CPA3: variants seen among roughly 807,000 people sequenced by gnomAD.
CPA3 encodes mast cell carboxypeptidase A.
In CPA3, 52 loss-of-function variants were observed where a neutral mutation model predicts 55.8. The ratio of observed to expected loss-of-function variants is 0.93; its 90% CI spans 0.75 to 1.17. CPA3 has a LOEUF of 1.17. Among genes scored for constraint, CPA3 ranks in the 50% most tolerant of loss-of-function variants. The pLI, the probability that CPA3 is intolerant of heterozygous loss-of-function variation, is 0.00. For synonymous variants in CPA3, 179 were observed against 171.2 expected (o/e 1.05, Z -0.36); for missense variants, 547 against 509.1 (o/e 1.07, Z -0.72).
chr3:148,886,090 C>T lies in CPA3; in HGVS notation c.982-3C>T. The T allele has an allele frequency of 6.2e-7, 1 of 1,609,916 alleles. No homozygotes were observed. The highest frequency in any genetic ancestry group is 8.5e-7 in the Non-Finnish European group (1 of 1,176,600). ...TTTCACTCTAACTTTCCTTTCTCTC[C>T]AGGCCAAAGTTGCAAAGATTGGCAC... On this transcript the variant is annotated splice_region_variant and splice_polypyrimidine_tract_variant and intron_variant, in intron 9 of 10. Transcript: ENST00000296046.
chr3:148,882,860 TA>T (rs1187754269), intron 8 of CPA3, among the ~76,000 whole-genome samples: 1 of 152,110 alleles, frequency 6.6e-6, no homozygotes, highest in East Asian at 1.9e-4. Context: ...TCCAAATGTA[TA>T]AAAATTCAGA....
chr3:148,869,130 A>C (rs1022894377), intron 3 of CPA3, 91 bp downstream of exon 3: 12 of 1,432,016 alleles, frequency 8.4e-6, no homozygotes, highest in Middle Eastern at 2.1e-4. Flanking sequence ...ACCTATTTTT[A>C]ATTGGGCCCC....
chr3:148,869,445 T>A (rs6804659), intron 3 of CPA3, among the ~76,000 whole-genome samples: 87,209 of 151,274 alleles, frequency 0.58, 26,001 homozygotes, highest in Middle Eastern at 0.69. Flanking sequence ...ATTTTCCTGA[T>A]ACATAAAAGG....
intron 8 of CPA3, among the ~76,000 whole-genome samples, chr3:148,882,958 T>G (rs1714409884): frequency 6.6e-6 from 1 of 152,180 alleles, no homozygotes; most frequent in Admixed American, 6.5e-5. Context: ...GTTTTTCAGA[T>G]ATTTAGTGAA....
intron 3 of CPA3, among the ~76,000 whole-genome samples, chr3:148,877,367 G>A (rs1304673759): frequency 6.6e-6 from 1 of 152,138 alleles, no homozygotes. Context: ...AGTGGCACAT[G>A]CCTGTAATTC....
At chr3:148,868,002 T>C (rs1713953354) in intron 2 of CPA3, among the ~76,000 whole-genome samples, 1 of 152,140 alleles carries the variant, frequency 6.6e-6, no homozygotes, top group Non-Finnish European at 1.5e-5. Context: ...TTCAAGCAAT[T>C]CTCCTGCATC....
chr3:148,872,089 T>A (rs996434388), intron 3 of CPA3, among the ~76,000 whole-genome samples: 1 of 152,224 alleles, frequency 6.6e-6, no homozygotes, highest in Non-Finnish European at 1.5e-5. Context: ...GTGTGGTTTT[T>A]CTTTAATTTT....
At chr3:148,880,008 G>A (rs1714319635) in intron 6 of CPA3, 119 bp downstream of exon 6, 2 of 643,050 alleles carry the variant, frequency 3.1e-6, no homozygotes, top group African/African-American at 3.7e-5. Context: ...CATACTTGGT[G>A]CTGTCAGGGA....
chr3:148,870,321 G>T (rs915415208), intron 3 of CPA3, among the ~76,000 whole-genome samples: 1 of 151,674 alleles, frequency 6.6e-6, no homozygotes, highest in Admixed American at 6.6e-5. Flanking sequence ...AACTCAAAAG[G>T]TCTGCTTCTG....
chr3:148,882,818 A>C (rs1714406973), intron 8 of CPA3, among the ~76,000 whole-genome samples: 1 of 152,164 alleles, frequency 6.6e-6, no homozygotes, highest in Non-Finnish European at 1.5e-5. Context: ...TCTCTTACTT[A>C]CTATATCTAG....
chr3:148,891,570 G>C (rs772892981), intron 10 of CPA3, among the ~76,000 whole-genome samples: 4 of 151,614 alleles, frequency 2.6e-5, no homozygotes, highest in Non-Finnish European at 4.4e-5. Context: ...AACTTGCAAT[G>C]TTGTATTTAC....
intron 9 of CPA3, among the ~76,000 whole-genome samples, chr3:148,885,719 T>C (rs1714512149): frequency 6.6e-6 from 1 of 152,244 alleles, no homozygotes; most frequent in South Asian, 2.1e-4. Context: ...CAAGTCTTTA[T>C]ACTTACCACA....
At chr3:148,872,638 A>G (rs569368585) in intron 3 of CPA3, among the ~76,000 whole-genome samples, 3 of 152,330 alleles carry the variant, frequency 2.0e-5, no homozygotes, top group Admixed American at 2.0e-4. Context: ...ACACAGTCCT[A>G]TCCAGTGTTT....
rs1329806072 is a variant in CPA3, at chr3:148,865,477, A to G, written c.73A>G (p.Lys25Glu). 6.2e-7 allele frequency: 1 copy of G among 1,613,716 alleles called. No homozygotes were observed. Among genetic ancestry groups the G allele is most frequent in the African/African-American group, 1.3e-5 (1 of 74,860 alleles). Residue 25 changes from lysine (K) to glutamate (E), a missense_variant, in exon 2 of 11, where the codon AAG becomes GAG. Physicochemically the swap from Lys to Glu is moderately conservative, Grantham distance 56 (BLOSUM62 1). Coordinates refer to ENST00000296046, the MANE Select transcript of CPA3 (RefSeq NM_001870.4). ...TTTTCATTTGCCTCCACAAAGGGAG[A>G]AGGTGTTCCGCGTGAAGCCCCAGGA... The part of the protein sequence containing the change: ...AIAPVRFDRE[K>E]VFRVKPQDEK...
intron 3 of CPA3, among the ~76,000 whole-genome samples, chr3:148,874,602 T>G (rs563720126): frequency 1.3e-5 from 2 of 152,182 alleles, no homozygotes; most frequent in African/African-American, 4.8e-5. Context: ...TTAGATATGA[T>G]GTACATAATG....
chr3:148,869,152 G>A (rs1713991736), intron 3 of CPA3, 113 bp downstream of exon 3: 1 of 1,206,738 alleles, frequency 8.3e-7, no homozygotes, highest in African/African-American at 1.5e-5. Flanking sequence ...CAGAACGAAA[G>A]CTCTTTCTGT....
chr3:148,882,182 C>A (rs1478370221), intron 7 of CPA3, among the ~76,000 whole-genome samples: 3 of 152,056 alleles, frequency 2.0e-5, no homozygotes, highest in East Asian at 3.9e-4. Context: ...ATATGGTGAA[C>A]AAGCTAATGA....
intron 9 of CPA3, 78 bp from the exon 10 acceptor site, chr3:148,886,015 G>C: frequency 1.0e-6 from 1 of 982,944 alleles, no homozygotes; most frequent in East Asian, 2.5e-5. Context: ...TTAAAAAATT[G>C]CATACATACA....
chr3:148,866,970 G>A (rs1378706694), intron 2 of CPA3, among the ~76,000 whole-genome samples: 1 of 151,988 alleles, frequency 6.6e-6, no homozygotes, highest in African/African-American at 2.4e-5. Flanking sequence ...TTGCCCAGCT[G>A]GTCTCAAACT....
Sources: allele counts gnomAD v4.1 joint callset (sites outside exome capture counted in the v4.1 genomes callset), GRCh38; gene constraint gnomAD v4.1.1; transcripts MANE v1.5; gene names NCBI Gene and HGNC (gene_info 2026-07-23, HGNC 2026-07-21).